MAPK8: variants seen among roughly 807,000 people sequenced by gnomAD.
MAPK8 encodes the protein JUN N-terminal kinase.
MAPK8 carries 13 observed loss-of-function variants against 52.9 expected under a neutral mutation model. The ratio of observed to expected loss-of-function variants is 0.25; its 90% CI spans 0.16 to 0.39. The LOEUF (loss-of-function observed/expected upper bound fraction) is 0.39. Among genes scored for constraint, MAPK8 ranks in the 10% least tolerant of loss-of-function variants. The pLI is 1.00. For synonymous variants in MAPK8, 191 were observed against 169.8 expected (o/e 1.12, Z -0.97); for missense variants, 300 against 519.2 (o/e 0.58, Z 4.10).
chr10:48,410,235 T>A, intron 5 of MAPK8, 67 bp downstream of exon 5: 1 of 1,378,880 alleles, frequency 7.3e-7, no homozygotes, highest in Non-Finnish European at 9.6e-7. Context: ...GTAACAAAAT[T>A]AACCATTCTA....
Position 48,379,850 on chromosome 10 carries a change from T to G in MAPK8, c.-49-21762T>G, listed in dbSNP as rs1452764071. Reference sequence around the variant, plus strand: ...TCTGAAACCTGTATTCAAGAATACTTGAATATGGTACAAACTCGTATTCAA... The same window carrying G: ...TCTGAAACCTGTATTCAAGAATACTGGAATATGGTACAAACTCGTATTCAA... On this transcript the variant is annotated intron_variant, in intron 1 of 11. Coordinates refer to ENST00000374189, the MANE Select transcript of MAPK8 (RefSeq NM_001323329.2). Among the ~76,000 whole-genome samples the G allele has an allele frequency of 2.0e-5, 3 of 151,382 alleles. No homozygotes were observed. In the East Asian group the frequency reaches 5.8e-4, roughly 29 times the overall value.
intron 5 of MAPK8, among the ~76,000 whole-genome samples, chr10:48,412,930 C>A (rs562572719): frequency 6.6e-6 from 1 of 152,114 alleles, no homozygotes; most frequent in African/African-American, 2.4e-5. Flanking sequence ...CTCCACCCAC[C>A]AGACAGTAAT....
chr10:48,426,657 C>T, intron 9 of MAPK8, 153 bp downstream of exon 9: 1 of 721,942 alleles, frequency 1.4e-6, no homozygotes, highest in Non-Finnish European at 2.2e-6. Flanking sequence ...GTCAAATAAA[C>T]TAATGAACAT....
Position 48,410,126 on chromosome 10 carries a change from G to T in MAPK8, c.408G>T (p.Leu136=), listed in dbSNP as rs969491000. ...ERMSYLLYQM[L]CGIKHLHSAG... ...TGTCCTACCTTCTCTATCAGATGCT[G>T]TGTGGAATCAAGCACCTTCATTCTG... The change falls in exon 5 of 12, where the codon CTG becomes CTT. Residue 136 remains leucine, a synonymous_variant. Transcript: ENST00000374189. The T allele has an allele frequency of 6.4e-7, 1 of 1,574,772 alleles. No individual in the cohort carries two copies. Among genetic ancestry groups the T allele is most frequent in the African/African-American group, 1.4e-5 (1 of 73,372 alleles).
At chr10:48,316,593 TG>T (rs964113567) in intron 1 of MAPK8, among the ~76,000 whole-genome samples, 2 of 152,112 alleles carry the variant, frequency 1.3e-5, no homozygotes, top group African/African-American at 4.8e-5. Context: ...ATGAAGTGAA[TG>T]AATGTAGACA....
At chr10:48,348,199 A>T (rs12241476) in intron 1 of MAPK8, among the ~76,000 whole-genome samples, 140 of 152,302 alleles carry the variant, frequency 9.2e-4, no homozygotes, top group African/African-American at 3.3e-3. Flanking sequence ...TCTTTTGAGA[A>T]GTGTCTGTTC....
intron 10 of MAPK8, 189 bp from the exon 11 acceptor site, chr10:48,431,004 T>G: frequency 1.6e-6 from 1 of 615,456 alleles, no homozygotes; most frequent in African/African-American, 1.9e-5. Flanking sequence ...ATATGATCCA[T>G]TGTTGAGTGT....
At chr10:48,394,346 A>G (rs2041782655) in intron 1 of MAPK8, among the ~76,000 whole-genome samples, 1 of 151,932 alleles carries the variant, frequency 6.6e-6, no homozygotes, top group African/African-American at 2.4e-5. Context: ...AAAAATCTTC[A>G]ATGAAATTTT....
chr10:48,352,915 G>A (rs1425123043), intron 1 of MAPK8, among the ~76,000 whole-genome samples: 3 of 152,102 alleles, frequency 2.0e-5, no homozygotes, highest in African/African-American at 7.2e-5. Context: ...AGGATCACAA[G>A]ATACATTTAA....
chr10:48,361,054 AG>A (rs1847474354), intron 1 of MAPK8, among the ~76,000 whole-genome samples: 1 of 152,182 alleles, frequency 6.6e-6, no homozygotes, highest in Admixed American at 6.5e-5. Context: ...TTTTTTTTAA[AG>A]GAAAATAAAA....
At chr10:48,329,438 C>G (rs1050156400) in intron 1 of MAPK8, among the ~76,000 whole-genome samples, 1 of 151,868 alleles carries the variant, frequency 6.6e-6, no homozygotes, top group Non-Finnish European at 1.5e-5. Flanking sequence ...TTAGTTGGCC[C>G]TTTGCTGCAA....
chr10:48,431,138 T>C, intron 10 of MAPK8, 55 bp from the exon 11 acceptor site: 1 of 1,107,452 alleles, frequency 9.0e-7, no homozygotes, highest in Non-Finnish European at 1.4e-6. Flanking sequence ...ATACATGCGT[T>C]GTGAGATTGG....
At chr10:48,389,061 A>G (rs1291394435) in intron 1 of MAPK8, among the ~76,000 whole-genome samples, 1 of 152,180 alleles carries the variant, frequency 6.6e-6, no homozygotes, top group African/African-American at 2.4e-5. Flanking sequence ...TAAATTGTAG[A>G]CAAGTCTGTT....
In MAPK8 at chr10:48,439,326, A is replaced by G. The variant is rs900993600; in HGVS notation, c.*4297A>G. ...ATGTCAATTGGTTATAATATTTTAAATAAAAAAGAAAAAAGTGGTATGAAA... is the reference window on the plus strand; with the variant it reads ...ATGTCAATTGGTTATAATATTTTAAGTAAAAAAGAAAAAAGTGGTATGAAA... On this transcript the variant is annotated 3_prime_UTR_variant, in exon 12 of 12. Transcript: ENST00000374189. 1.3e-5 allele frequency: 2 copies of G among 150,530 alleles called. No homozygotes were observed. The highest frequency in any genetic ancestry group is 3.0e-5 in the Non-Finnish European group (2 of 67,788). The allele number at this position is 150,530 out of a possible 1,614,324, so 9.3% of individuals were successfully genotyped here.
chr10:48,406,036 TATATTGAAATCTAAAAAGAGG>T (rs2042450952), intron 3 of MAPK8, among the ~76,000 whole-genome samples: 1 of 152,116 alleles, frequency 6.6e-6, no homozygotes, highest in Admixed American at 6.5e-5. Context: ...TGGTGGCCCA[TATATTGAAATCTAAAAAGAGG>T]GACGATTTCT....
chr10:48,411,071 A>G (rs536446193), intron 5 of MAPK8, among the ~76,000 whole-genome samples: 1 of 152,318 alleles, frequency 6.6e-6, no homozygotes, highest in African/African-American at 2.4e-5. Flanking sequence ...CCCATTCTGT[A>G]GGTTGTCTGT....
At chr10:48,403,968 A>G (rs2042311343) in intron 2 of MAPK8, among the ~76,000 whole-genome samples, 1 of 116,410 alleles carries the variant, frequency 8.6e-6, no homozygotes, top group Non-Finnish European at 1.8e-5. Context: ...TATTTTTAGT[A>G]GAGACAGGGT....
intron 1 of MAPK8, among the ~76,000 whole-genome samples, chr10:48,395,725 A>T (rs1326021756): frequency 1.3e-5 from 2 of 152,066 alleles, no homozygotes; most frequent in East Asian, 1.9e-4. Context: ...ACACCACTAG[A>T]TTCTAACTAA....
At chr10:48,399,458 GGAGTTGTGA>G (rs2042049415) in intron 1 of MAPK8, among the ~76,000 whole-genome samples, 1 of 152,102 alleles carries the variant, frequency 6.6e-6, no homozygotes, top group South Asian at 2.1e-4. Context: ...CTGCTCCTGG[GGAGTTGTGA>G]CTATCCATGC....
Sources: gnomAD v4.1 joint callset for allele counts (sites outside exome capture counted in the v4.1 genomes callset) on GRCh38, gnomAD v4.1.1 for gene constraint, MANE v1.5 for transcripts, NCBI Gene and HGNC (gene_info 2026-07-23, HGNC 2026-07-21) for gene names.